INTS15: variants seen among roughly 807,000 people sequenced by gnomAD.
INTS15 encodes uncharacterized protein C7orf26.
chr7:6,590,510 C>G, the INTS15 span: 24 of 1,516,582 alleles, frequency 1.6e-5, no homozygotes, highest in Non-Finnish European at 2.1e-5. Flanking sequence ...CCGGGCCCCG[C>G]AGGCGGGCGG....
chr7:6,594,470 G>A, the INTS15 span: 1 of 1,614,144 alleles, frequency 6.2e-7, no homozygotes, highest in Non-Finnish European at 8.5e-7. Flanking sequence ...GGTTAGCCAA[G>A]GCCCTTGTAG....
chr7:6,601,922 G>T, the INTS15 span, among the ~76,000 whole-genome samples: 1 of 152,182 alleles, frequency 6.6e-6, no homozygotes. Context: ...CTCCCAAAGT[G>T]CTGGGAATAC....
At chr7:6,591,263 T>G in the INTS15 span, among the ~76,000 whole-genome samples, 2 of 142,466 alleles carry the variant, frequency 1.4e-5, no homozygotes, top group South Asian at 4.4e-4. Flanking sequence ...TTATTTCCTG[T>G]TTTTCTTTTT....
At chr7:6,590,061 G>T in the INTS15 span, 6 of 281,356 alleles carry the variant, frequency 2.1e-5, no homozygotes, top group South Asian at 1.6e-4. Flanking sequence ...GCTCCCGGCG[G>T]CTCCTGGCGG....
the INTS15 span, among the ~76,000 whole-genome samples, chr7:6,594,233 C>T: frequency 6.8e-6 from 1 of 147,526 alleles, no homozygotes; most frequent in Non-Finnish European, 1.5e-5. Context: ...TCTCGAACTC[C>T]TGACCTCAGG....
At chr7:6,608,157 G>A in the INTS15 span, 4 of 1,388,868 alleles carry the variant, frequency 2.9e-6, no homozygotes, top group African/African-American at 1.6e-5. Context: ...AGGCCCATCC[G>A]CTAGGCTGGC....
chr7:6,602,359 T>C, the INTS15 span: 1 of 532,650 alleles, frequency 1.9e-6, no homozygotes. Context: ...GGCCAGTCCC[T>C]GTATCACCGA....
chr7:6,606,553 C>G, the INTS15 span, among the ~76,000 whole-genome samples: 22 of 152,202 alleles, frequency 1.4e-4, no homozygotes, highest in African/African-American at 5.1e-4. Context: ...AGGACCCAGC[C>G]GGAGCAAGAT....
chr7:6,600,306 C>T, the INTS15 span: 35 of 1,613,754 alleles, frequency 2.2e-5, no homozygotes, highest in African/African-American at 4.0e-5. Flanking sequence ...GACCGGCTGG[C>T]GCAGGCTCTG....
the INTS15 span, chr7:6,599,679 A>G: frequency 2.7e-5 from 20 of 730,900 alleles, no homozygotes; most frequent in African/African-American, 3.0e-4. Context: ...GTTCTAGGAA[A>G]GGGGACAGAA....
the INTS15 span, among the ~76,000 whole-genome samples, chr7:6,597,307 T>TG: frequency 6.6e-6 from 1 of 151,934 alleles, no homozygotes; most frequent in Admixed American, 6.6e-5. Flanking sequence ...TGGTTTTTTT[T>TG]TTTTTGAGAT....
the INTS15 span, chr7:6,608,484 G>A: frequency 1.6e-6 from 2 of 1,233,300 alleles, no homozygotes; most frequent in African/African-American, 3.2e-5. Flanking sequence ...CAGGAGCCAC[G>A]GGTGCAAGCC....
At chr7:6,601,778 G>A in the INTS15 span, among the ~76,000 whole-genome samples, 20 of 151,266 alleles carry the variant, frequency 1.3e-4, no homozygotes, top group South Asian at 3.6e-3. Flanking sequence ...TGCCTCAGCC[G>A]CCTGAGTAGC....
chr7:6,606,695 C>CT, the INTS15 span, among the ~76,000 whole-genome samples: 12,399 of 137,790 alleles, frequency 0.09, 686 homozygotes, highest in South Asian at 0.17. Flanking sequence ...CCCAGAGGGC[C>CT]TTTTTTTTTT....
chr7:6,591,427 G>A, the INTS15 span, among the ~76,000 whole-genome samples: 1 of 130,548 alleles, frequency 7.7e-6, no homozygotes, highest in South Asian at 2.2e-4. Flanking sequence ...CCACCATGCC[G>A]GCTAATTGTT....
the INTS15 span, among the ~76,000 whole-genome samples, chr7:6,598,602 C>G: frequency 6.6e-6 from 1 of 152,090 alleles, no homozygotes; most frequent in South Asian, 2.1e-4. Flanking sequence ...GGCACAGCCC[C>G]AGAGAGAGGG....
the INTS15 span, among the ~76,000 whole-genome samples, chr7:6,592,096 G>A: frequency 2.0e-5 from 3 of 151,970 alleles, no homozygotes; most frequent in African/African-American, 4.8e-5. Context: ...ACATGAACCC[G>A]GGAGGCAGAG....
chr7:6,598,823 G>C, the INTS15 span, among the ~76,000 whole-genome samples: 12 of 130,404 alleles, frequency 9.2e-5, no homozygotes, highest in African/African-American at 3.0e-4. Flanking sequence ...ATCTCACTCT[G>C]TTGCTCAGGC....
chr7:6,590,451 C>G, the INTS15 span: 1 of 1,596,062 alleles, frequency 6.3e-7, no homozygotes, highest in Non-Finnish European at 8.5e-7. Flanking sequence ...TCCAGGTGCC[C>G]AAGGAGCGCA....
Sources: gnomAD v4.1 joint callset for allele counts (sites outside exome capture counted in the v4.1 genomes callset) on GRCh38, gnomAD v4.1.1 for gene constraint, MANE v1.5 for transcripts, NCBI Gene and HGNC (gene_info 2026-07-23, HGNC 2026-07-21) for gene names.